MCU: variants seen among roughly 807,000 people sequenced by gnomAD.
The protein encoded by MCU is calcium uniporter protein, mitochondrial.
Under a neutral mutation model 45.2 loss-of-function variants are expected in MCU, and 12 were observed. The observed-to-expected ratio is 0.27, with a 90% CI of 0.17 to 0.43. The LOEUF is 0.43. Ranked by LOEUF, MCU falls within the 20% of genes least tolerant of loss-of-function variation. The pLI, the probability that MCU is intolerant of heterozygous loss-of-function variation, is 1.00. For missense variants in MCU, 324 were observed against 436.7 expected, an observed-to-expected ratio of 0.74 and a Z score of 2.30; for synonymous variants, 160 against 165.1, an observed-to-expected ratio of 0.97 and a Z score of 0.24.
chr10:72,693,320 A>G (rs946507360), intron 1 of MCU, among the ~76,000 whole-genome samples: 9 of 152,188 alleles, frequency 5.9e-5, no homozygotes, highest in Middle Eastern at 3.4e-3. Context: ...TTCTAGACCT[A>G]TATGTGTTGG....
chr10:72,785,040 G>C (rs564346995), intron 1 of MCU, among the ~76,000 whole-genome samples: 1 of 152,264 alleles, frequency 6.6e-6, no homozygotes, highest in South Asian at 2.1e-4. Context: ...TACAGGGATT[G>C]CTCTTCTTTT....
rs145659045 is a variant in MCU, at chr10:72,703,740, A to G, written c.150+11439A>G. Among the ~76,000 whole-genome samples, 19 of 152,142 alleles carry G rather than the reference A, an allele frequency of 1.2e-4. No individual in the cohort carries two copies. In the East Asian group the frequency reaches 3.7e-3, roughly 29 times the overall value. ...GGCAACATGGTGAAACCAACCTAAT[A>G]CAAAAATTAGCCTAGCATGGTGGCA... On this transcript the variant is annotated intron_variant, in intron 1 of 7. Coordinates refer to ENST00000373053, the MANE Select transcript of MCU (RefSeq NM_138357.3).
chr10:72,711,132 TC>T (rs1842887923), intron 1 of MCU, among the ~76,000 whole-genome samples: 1 of 150,268 alleles, frequency 6.7e-6, no homozygotes, highest in Non-Finnish European at 1.5e-5. Flanking sequence ...TGAGCCGAGA[TC>T]ATGCCATTGC....
At chr10:72,748,817 T>C (rs1413273315) in intron 1 of MCU, among the ~76,000 whole-genome samples, 1 of 152,238 alleles carries the variant, frequency 6.6e-6, no homozygotes, top group African/African-American at 2.4e-5. Context: ...ACCTGTTCTT[T>C]CCTTGACAGT....
At chr10:72,764,967 G>T (rs971283554) in intron 1 of MCU, among the ~76,000 whole-genome samples, 1 of 151,784 alleles carries the variant, frequency 6.6e-6, no homozygotes, top group African/African-American at 2.4e-5. Context: ...TTAAATATTA[G>T]AGGGCCGGGA....
intron 1 of MCU, among the ~76,000 whole-genome samples, chr10:72,726,369 C>T (rs964707279): frequency 1.3e-5 from 2 of 152,000 alleles, no homozygotes; most frequent in African/African-American, 4.8e-5. Context: ...GTAGAGCTCC[C>T]TCTAAGTCAA....
rs1845791490 is a variant in MCU at position 72,887,412 on chromosome 10, C to T, written c.*1590C>T. On this transcript the variant is annotated 3_prime_UTR_variant, in exon 8 of 8. Transcript: ENST00000373053. ...CGCCCACTTCCTTCTCCCTCCACCA[C>T]CCCCAGTCGTCAGCTCCTTCCCTCA... 2.6e-5 allele frequency: 4 copies of T among 152,686 alleles called. No homozygotes were observed. The highest frequency in any genetic ancestry group is 9.7e-5 in the African/African-American group (4 of 41,438). The allele number at this position is 152,686 out of a possible 1,614,324, so 9.5% of individuals were successfully genotyped here. A position where few individuals can be genotyped will look rare whatever the true frequency, so the allele number is the denominator to read the frequency against.
chr10:72,860,558 A>C (rs929012058), intron 4 of MCU, 31 bp downstream of exon 4: 4 of 1,537,126 alleles, frequency 2.6e-6, no homozygotes, highest in Non-Finnish European at 1.8e-6. Context: ...AGGTCACAGA[A>C]ATGTGGGAAG....
intron 1 of MCU, among the ~76,000 whole-genome samples, chr10:72,793,212 A>G (rs184726502): frequency 2.6e-5 from 4 of 152,132 alleles, no homozygotes; most frequent in Admixed American, 6.5e-5. Context: ...CTGCCACAAT[A>G]TAGCTAGGTA....
chr10:72,786,607 G>C (rs572427638), intron 1 of MCU, among the ~76,000 whole-genome samples: 43 of 152,140 alleles, frequency 2.8e-4, no homozygotes, highest in African/African-American at 1.0e-3. Context: ...TTAGCAGGGC[G>C]TGGTGGCAGG....
rs71021537 is a variant in MCU, at chr10:72,813,450, C to CTTTT, written c.151-20886_151-20883dup. ...CTGTTAATTTAAATACCAGCTCTCT[C>CTTTT]TTTTTTTTTTTTTTTTTTTTTTTTT... On this transcript the variant is annotated intron_variant, in intron 1 of 7. Transcript: ENST00000373053. 1.7e-3 allele frequency among the ~76,000 whole-genome samples: 128 copies of CTTTT among 76,220 alleles called. 8 individuals carry two copies. The highest frequency in any genetic ancestry group is 2.2e-3 in the Non-Finnish European group (91 of 41,616). 50.0% of individuals were successfully genotyped at this position (76,220 alleles called of 152,430 possible). A position where few individuals can be genotyped will look rare whatever the true frequency, so the allele number is the denominator to read the frequency against.
At chr10:72,854,984 G>A (rs1845265812) in intron 2 of MCU, among the ~76,000 whole-genome samples, 1 of 152,204 alleles carries the variant, frequency 6.6e-6, no homozygotes, top group Admixed American at 6.5e-5. Flanking sequence ...GCTTACGCCT[G>A]TAATCCCAGC....
chr10:72,857,939 G>A (rs1281425186), intron 2 of MCU, among the ~76,000 whole-genome samples: 2 of 152,110 alleles, frequency 1.3e-5, no homozygotes, highest in Admixed American at 6.5e-5. Context: ...GTTCTGTCTA[G>A]CCAAGCTCAT....
intron 1 of MCU, among the ~76,000 whole-genome samples, chr10:72,726,993 A>G (rs981129895): frequency 2.0e-5 from 3 of 152,252 alleles, no homozygotes; most frequent in Non-Finnish European, 4.4e-5. Flanking sequence ...CTAATAGACT[A>G]GAAGGTAAAT....
chr10:72,876,717 C>G (rs889977849), intron 6 of MCU, among the ~76,000 whole-genome samples: 1 of 152,172 alleles, frequency 6.6e-6, no homozygotes. Context: ...GAATTTTACA[C>G]GATTTCCATC....
At chr10:72,879,965 T>TCA in intron 6 of MCU, among the ~76,000 whole-genome samples, 1 of 152,170 alleles carries the variant, frequency 6.6e-6, no homozygotes, top group Admixed American at 6.6e-5. Flanking sequence ...TGAGAATCGC[T>TCA]TGAACCCAGG....
rs1303559631 is a variant in MCU, at chr10:72,692,213, GGGGCGC to G, written c.63_68del (p.Ala23_Gly24del). 1 of 1,251,976 alleles carries G rather than the reference GGGGCGC, an allele frequency of 8.0e-7. No individual in the cohort carries two copies. Among genetic ancestry groups the G allele is most frequent in the Non-Finnish European group, 1.0e-6 (1 of 992,062 alleles). The allele number at this position is 1,251,976 out of a possible 1,614,324, so 77.6% of individuals were successfully genotyped here. ...CTCTCCTCTCGGGGCGGCGGCGGCG[GGGGCGC>G]CGGCGGCTGCGGGGCGCTGACTGCC... On this transcript the variant is annotated inframe_deletion, in exon 1 of 8. Transcript: ENST00000373053.
intron 2 of MCU, among the ~76,000 whole-genome samples, chr10:72,839,797 CAA>C (rs758036618): frequency 1.7e-4 from 16 of 96,320 alleles, no homozygotes; most frequent in East Asian, 2.8e-4. Flanking sequence ...ACTAAGAATA[CAA>C]AAAAAAAAAA....
intron 4 of MCU, among the ~76,000 whole-genome samples, chr10:72,864,747 T>C (rs747859010): frequency 2.6e-5 from 4 of 152,220 alleles, no homozygotes; most frequent in Non-Finnish European, 5.9e-5. Flanking sequence ...TAAGACATTA[T>C]CGAATCAGAT....
Sources: gnomAD v4.1 joint callset for allele counts (sites outside exome capture counted in the v4.1 genomes callset) on GRCh38, gnomAD v4.1.1 for gene constraint, MANE v1.5 for transcripts, NCBI Gene and HGNC (gene_info 2026-07-23, HGNC 2026-07-21) for gene names.